ERC2: variants seen among roughly 807,000 people sequenced by gnomAD.
ERC2 encodes the protein ERC protein 2.
A neutral mutation model predicts 114.8 loss-of-function variants in ERC2; 42 were observed. The ratio of observed to expected loss-of-function variants is 0.37; its 90% CI spans 0.29 to 0.47. ERC2 has a LOEUF of 0.47. Among genes scored for constraint, ERC2 ranks in the 20% least tolerant of loss-of-function variants. The pLI, the probability that ERC2 is intolerant of heterozygous loss-of-function variation, is 0.99. For missense variants in ERC2, 939 were observed against 1,150.7 expected, an observed-to-expected ratio of 0.82 and a Z score of 2.66; for synonymous variants, 454 against 425.5, an observed-to-expected ratio of 1.07 and a Z score of -0.82.
At chr3:55,545,067 T>C (rs1244080613) in intron 17 of ERC2, among the ~76,000 whole-genome samples, 1 of 152,230 alleles carries the variant, frequency 6.6e-6, no homozygotes, top group Non-Finnish European at 1.5e-5. Context: ...ATCATTTTCC[T>C]GGCTGTATAA....
intron 15 of ERC2, among the ~76,000 whole-genome samples, chr3:55,734,528 C>T (rs185737573): frequency 3.3e-5 from 5 of 152,248 alleles, no homozygotes; most frequent in Non-Finnish European, 5.9e-5. Context: ...GGAGATGACG[C>T]TGACACAAAA....
chr3:55,922,778 A>G (rs938744409), intron 13 of ERC2, among the ~76,000 whole-genome samples: 1 of 152,156 alleles, frequency 6.6e-6, no homozygotes, highest in African/African-American at 2.4e-5. Flanking sequence ...TTGAATGGAC[A>G]GCTCTCAAAA....
chr3:56,378,125 T>G (rs1458693158), intron 2 of ERC2, among the ~76,000 whole-genome samples: 1 of 151,506 alleles, frequency 6.6e-6, no homozygotes, highest in African/African-American at 2.4e-5. Context: ...TGCACACGTA[T>G]GTTTATTGCG....
intron 14 of ERC2, among the ~76,000 whole-genome samples, chr3:55,743,920 C>T (rs1022158106): frequency 6.6e-6 from 1 of 152,092 alleles, no homozygotes; most frequent in Non-Finnish European, 1.5e-5. Context: ...GGCAGGGAAC[C>T]GAAGGCCATT....
intron 13 of ERC2, among the ~76,000 whole-genome samples, chr3:55,914,302 TA>T (rs1440435315): frequency 2.0e-5 from 3 of 152,144 alleles, no homozygotes; most frequent in African/African-American, 7.2e-5. Context: ...TCACTCCCTC[TA>T]ATGTCAAACC....
chr3:56,212,836 T>C (rs1042752045), intron 3 of ERC2, among the ~76,000 whole-genome samples: 7 of 152,000 alleles, frequency 4.6e-5, no homozygotes, highest in African/African-American at 9.7e-5. Flanking sequence ...CACCATGGAA[T>C]AGTACTCAGC....
At chr3:56,214,304 T>C (rs1182541056) in intron 3 of ERC2, among the ~76,000 whole-genome samples, 2 of 151,644 alleles carry the variant, frequency 1.3e-5, no homozygotes, top group Non-Finnish European at 1.5e-5. Context: ...TTAAAGGACC[T>C]GATGGAGCTG....
At chr3:56,331,559 C>CTTCTGGAACCAAGT (rs1164528414) in intron 2 of ERC2, among the ~76,000 whole-genome samples, 1 of 152,164 alleles carries the variant, frequency 6.6e-6, no homozygotes, top group Non-Finnish European at 1.5e-5. Flanking sequence ...GGCTCAGGAG[C>CTTCTGGAACCAAGT]TTCTGGAACC....
intron 4 of ERC2, among the ~76,000 whole-genome samples, chr3:56,169,337 A>T (rs1164564831): frequency 6.6e-6 from 1 of 152,282 alleles, no homozygotes; most frequent in Non-Finnish European, 1.5e-5. Context: ...TGTTTTAAGC[A>T]AATGAACTCT....
At chr3:55,582,400 C>T (rs1441823281) in intron 17 of ERC2, among the ~76,000 whole-genome samples, 1 of 152,216 alleles carries the variant, frequency 6.6e-6, no homozygotes, top group African/African-American at 2.4e-5. Flanking sequence ...TGGACACCGA[C>T]CTGCTCTCCT....
intron 6 of ERC2, among the ~76,000 whole-genome samples, chr3:56,106,535 A>G (rs1453273588): frequency 3.9e-5 from 6 of 152,218 alleles, no homozygotes; most frequent in Non-Finnish European, 5.9e-5. Context: ...CTCTGGGGAC[A>G]AAGAAAATAG....
intron 3 of ERC2, among the ~76,000 whole-genome samples, chr3:56,204,554 A>G (rs1004923125): frequency 7.1e-6 from 1 of 140,358 alleles, no homozygotes; most frequent in Non-Finnish European, 1.6e-5. Context: ...GCCAGCCTGG[A>G]GTGCAGTGAC....
At chr3:56,418,892 T>G (rs1308550313) in intron 2 of ERC2, among the ~76,000 whole-genome samples, 4 of 152,162 alleles carry the variant, frequency 2.6e-5, no homozygotes, top group African/African-American at 9.7e-5. Flanking sequence ...TGGCTAGGCT[T>G]CTACAGAAGA....
intron 14 of ERC2, among the ~76,000 whole-genome samples, chr3:55,740,299 T>C (rs2065898946): frequency 1.3e-5 from 2 of 152,176 alleles, no homozygotes; most frequent in Admixed American, 6.6e-5. Flanking sequence ...TTAATATTCA[T>C]ATAAAATAAT....
At chr3:55,558,226 T>C (rs2055755326) in intron 17 of ERC2, among the ~76,000 whole-genome samples, 1 of 152,196 alleles carries the variant, frequency 6.6e-6, no homozygotes, top group Non-Finnish European at 1.5e-5. Flanking sequence ...GCCCTACTAT[T>C]AATAGGTAGA....
At chr3:56,100,205 C>A (rs1476055328) in intron 6 of ERC2, among the ~76,000 whole-genome samples, 1 of 152,120 alleles carries the variant, frequency 6.6e-6, no homozygotes, top group Non-Finnish European at 1.5e-5. Context: ...ATTTGAATAA[C>A]GTTATTTTTC....
chr3:56,036,931 A>G (rs533854946), intron 7 of ERC2, among the ~76,000 whole-genome samples: 8 of 152,294 alleles, frequency 5.3e-5, no homozygotes, highest in East Asian at 1.9e-4. Context: ...ACAGCAAACC[A>G]TAGCAGCCCT....
chr3:55,905,719 C>A (rs535668100), intron 13 of ERC2, among the ~76,000 whole-genome samples: 1 of 152,298 alleles, frequency 6.6e-6, no homozygotes, highest in Admixed American at 6.5e-5. Flanking sequence ...GTCAAGACCC[C>A]TACTCAACTA....
chr3:55,830,887 T>G (rs1340202428), intron 14 of ERC2, among the ~76,000 whole-genome samples: 2 of 152,132 alleles, frequency 1.3e-5, no homozygotes, highest in Non-Finnish European at 2.9e-5. Flanking sequence ...GAGGCTGCAG[T>G]GAGCTAGGAT....
Sources: allele counts gnomAD v4.1 joint callset (sites outside exome capture counted in the v4.1 genomes callset), GRCh38; gene constraint gnomAD v4.1.1; transcripts MANE v1.5; gene names NCBI Gene and HGNC (gene_info 2026-07-23, HGNC 2026-07-21).